Variants in GABRG3 observed in about 807,000 individuals in gnomAD.
GABRG3 encodes gamma-aminobutyric acid receptor subunit gamma-3.
Under a neutral mutation model 48.8 loss-of-function variants are expected in GABRG3, and 25 were observed. That is an observed-to-expected ratio of 0.51 (90% CI 0.37 to 0.72). The LOEUF (loss-of-function observed/expected upper bound fraction) is 0.72, where lower values mean the gene tolerates loss of function less well. Ranked by LOEUF, GABRG3 falls within the 30% of genes least tolerant of loss-of-function variation. The pLI is 0.00. For missense variants in GABRG3, 394 were observed against 577.9 expected, an observed-to-expected ratio of 0.68 and a Z score of 3.26; for synonymous variants, 227 against 217.6, an observed-to-expected ratio of 1.04 and a Z score of -0.38.
chr15:27,403,413 A>G (rs1158642314), intron 5 of GABRG3, among the ~76,000 whole-genome samples: 3 of 152,204 alleles, frequency 2.0e-5, no homozygotes. Context: ...AAAAATTCCA[A>G]ACCCCTATAA....
chr15:27,531,324 C>T (rs1354044940), intron 9 of GABRG3, among the ~76,000 whole-genome samples: 1 of 152,232 alleles, frequency 6.6e-6, no homozygotes, highest in Non-Finnish European at 1.5e-5. Context: ...AACACTTCCA[C>T]CCCTCCCCGA....
chr15:27,089,190 A>G (rs1265903588), intron 3 of GABRG3, among the ~76,000 whole-genome samples: 1 of 152,202 alleles, frequency 6.6e-6, no homozygotes, highest in Non-Finnish European at 1.5e-5. Context: ...CCTTGGGGTC[A>G]GGAGGAGCCG....
intron 5 of GABRG3, among the ~76,000 whole-genome samples, chr15:27,359,122 G>A (rs558334925): frequency 2.5e-4 from 38 of 152,226 alleles, no homozygotes; most frequent in Non-Finnish European, 4.7e-4. Flanking sequence ...TCCTATCCAG[G>A]TTTGGGAGGC....
intron 5 of GABRG3, among the ~76,000 whole-genome samples, chr15:27,383,779 T>A (rs1266832300): frequency 6.6e-6 from 1 of 152,238 alleles, no homozygotes; most frequent in East Asian, 1.9e-4. Flanking sequence ...GAAAAACGTG[T>A]TAATTCCAAA....
At chr15:27,514,434 G>A (rs538457568) in intron 6 of GABRG3, among the ~76,000 whole-genome samples, 1 of 152,112 alleles carries the variant, frequency 6.6e-6, no homozygotes, top group African/African-American at 2.4e-5. Context: ...ATTATTATTC[G>A]CAGCTGTAGA....
chr15:27,049,152 T>C (rs575231680), intron 3 of GABRG3, among the ~76,000 whole-genome samples: 3 of 152,358 alleles, frequency 2.0e-5, no homozygotes, highest in South Asian at 2.1e-4. Flanking sequence ...GGTTTAATGC[T>C]CTGGTGTCTC....
intron 3 of GABRG3, among the ~76,000 whole-genome samples, chr15:27,036,421 G>A (rs1362111259): frequency 6.6e-6 from 1 of 152,202 alleles, no homozygotes. Flanking sequence ...GGCCGGGCGC[G>A]GTGGCTCATG....
At position 27,125,830 on chromosome 15, in the gene GABRG3, T is replaced by C. The variant is rs1363499310; in HGVS notation, c.270+99009T>C. On this transcript the variant is annotated intron_variant, in intron 3 of 9. Transcript: ENST00000615808. Reference sequence around the variant, plus strand: ...TGCCGCAAGGCTGGGTTGTGTGCACTGTGGCACTCGTCCTCAAGTCTGCTT... The same window carrying C: ...TGCCGCAAGGCTGGGTTGTGTGCACCGTGGCACTCGTCCTCAAGTCTGCTT... 2.0e-5 allele frequency among the ~76,000 whole-genome samples: 3 copies of C among 152,386 alleles called. No homozygotes were observed. The East Asian group carries it at 5.8e-4, about 29-fold the overall frequency.
chr15:27,124,781 C>T (rs1446758750), intron 3 of GABRG3, among the ~76,000 whole-genome samples: 1 of 151,970 alleles, frequency 6.6e-6, no homozygotes, highest in East Asian at 1.9e-4. Context: ...GGCAAGGCCC[C>T]ATAAAGGTTA....
At chr15:27,522,492 T>C (rs935323373) in intron 7 of GABRG3, among the ~76,000 whole-genome samples, 5 of 151,796 alleles carry the variant, frequency 3.3e-5, no homozygotes, top group African/African-American at 1.2e-4. Flanking sequence ...AATAATAATA[T>C]TGCAAGATGG....
chr15:27,431,118 A>C (rs893383159), intron 5 of GABRG3, among the ~76,000 whole-genome samples: 1 of 152,024 alleles, frequency 6.6e-6, no homozygotes, highest in Non-Finnish European at 1.5e-5. Context: ...ACAGTAGCAC[A>C]CTATATTTAT....
At position 26,977,082 on chromosome 15, in the gene GABRG3, C is replaced by T; in HGVS notation, c.134C>T (p.Thr45Ile). 1.9e-6 allele frequency: 3 copies of T among 1,613,830 alleles called. No individual in the cohort carries two copies. Among genetic ancestry groups the T allele is most frequent in the Non-Finnish European group, 2.5e-6 (3 of 1,179,846 alleles). ...KWVLAPKSQD[T>I]DVTLILNKLL... ...GTCTTGGCTCCAAAATCCCAAGACA[C>T]CGACGTGACTCTTATTCTCAACAAG... is the stretch of plus-strand genomic sequence containing the variant. Residue 45 changes from threonine (T) to isoleucine (I), a missense_variant, in exon 2 of 10, where the codon ACC (threonine) becomes ATC (isoleucine). Thr to Ile is a moderately conservative substitution (Grantham distance 89). Coordinates refer to ENST00000615808, the MANE Select transcript of GABRG3 (RefSeq NM_033223.5).
chr15:27,046,995 C>G (rs1268964562), intron 3 of GABRG3, among the ~76,000 whole-genome samples: 1 of 152,062 alleles, frequency 6.6e-6, no homozygotes, highest in Non-Finnish European at 1.5e-5. Context: ...GTTCTTTAAT[C>G]CTCTGGGATG....
At chr15:27,086,270 C>T (rs143617594) in intron 3 of GABRG3, among the ~76,000 whole-genome samples, 171 of 152,206 alleles carry the variant, frequency 1.1e-3, no homozygotes, top group Middle Eastern at 6.8e-3. Context: ...GAAAGAACCC[C>T]CCTTCATCTG....
At chr15:27,308,550 A>T (rs932075414) in intron 3 of GABRG3, among the ~76,000 whole-genome samples, 1 of 148,694 alleles carries the variant, frequency 6.7e-6, no homozygotes, top group Non-Finnish European at 1.5e-5. Context: ...ATATAATGTA[A>T]ACATACATGT....
chr15:27,356,365 A>T (rs1273049248), intron 5 of GABRG3, among the ~76,000 whole-genome samples: 2 of 152,204 alleles, frequency 1.3e-5, no homozygotes, highest in Non-Finnish European at 2.9e-5. Flanking sequence ...ATAAGCCTAC[A>T]TCTCCCGCTG....
chr15:27,454,819 C>G (rs559185516), intron 5 of GABRG3, among the ~76,000 whole-genome samples: 1 of 152,166 alleles, frequency 6.6e-6, no homozygotes, highest in African/African-American at 2.4e-5. Flanking sequence ...TCAACACATA[C>G]GTACGTTGAC....
chr15:27,297,984 AT>A (rs1555368915), intron 3 of GABRG3, among the ~76,000 whole-genome samples: 2 of 47,708 alleles, frequency 4.2e-5, no homozygotes, highest in South Asian at 3.7e-4. Flanking sequence ...TTTTTAATAA[AT>A]TAAAAATCAT....
intron 3 of GABRG3, chr15:27,271,784 G>A (rs569560324): frequency 5.5e-5 from 20 of 362,710 alleles, no homozygotes; most frequent in South Asian, 4.1e-4. Context: ...GCATAGGCAG[G>A]TGATGGGGAG....
Sources: gnomAD v4.1 joint callset for allele counts (sites outside exome capture counted in the v4.1 genomes callset) on GRCh38, gnomAD v4.1.1 for gene constraint, MANE v1.5 for transcripts, NCBI Gene and HGNC (gene_info 2026-07-23, HGNC 2026-07-21) for gene names.